The following KPNA5 variants were observed in gnomAD, a reference collection of about 807,000 sequenced individuals.
KPNA5 encodes karyopherin subunit alpha 5.
A neutral mutation model predicts 71.3 loss-of-function variants in KPNA5; 46 were observed. The ratio of observed to expected loss-of-function variants is 0.65; its 90% CI spans 0.51 to 0.83. The LOEUF (loss-of-function observed/expected upper bound fraction) is 0.83. Ranked by LOEUF, KPNA5 falls within the 40% of genes least tolerant of loss-of-function variation. The pLI is 0.00. For missense variants in KPNA5, 547 were observed against 628.3 expected (o/e 0.87, Z 1.38); for synonymous variants, 207 against 201.4 (o/e 1.03, Z -0.24).
At position 116,734,728 on chromosome 6, in the gene KPNA5, AAAAG is replaced by A. The variant is rs1170264893; in HGVS notation, c.*2417_*2420del. 74 of 151,122 alleles carry A rather than the reference AAAAG, an allele frequency of 4.9e-4. No homozygotes were observed. The highest frequency in any genetic ancestry group is 1.2e-3 in the African/African-American group (50 of 41,450). The allele number at this position is 151,122 out of a possible 1,614,324, so 9.4% of individuals were successfully genotyped here. ...GAGCCCTGACCAGGAAAAAAAAAAA[AAAAG>A]AAAGAAAGAAAAGAAAAAAATAAAT... On this transcript the variant is annotated 3_prime_UTR_variant, in exon 14 of 14. Transcript: ENST00000368564.
chr6:116,712,119 T>C (rs1166518633), intron 7 of KPNA5, among the ~76,000 whole-genome samples: 2 of 152,130 alleles, frequency 1.3e-5, no homozygotes, highest in Non-Finnish European at 2.9e-5. Flanking sequence ...TTTTTGTATC[T>C]TTAGTAGAGA....
Position 116,716,304 on chromosome 6 carries a change from C to G in KPNA5, c.742C>G (p.Pro248Ala). ...SNLCRGKNPP[P>A]NFSKVSPCLN... is the part of the protein sequence containing the mutation. ...TTTATGTAGAGGCAAAAACCCTCCT[C>G]CAAACTTTAGTAAGGTATGAGTAAA... is the stretch of plus-strand genomic sequence containing the variant. The change falls in exon 8 of 14, where the codon CCA (proline) becomes GCA (alanine). Residue 248 changes from proline to alanine, a missense_variant. Transcript: ENST00000368564. 6.2e-7 allele frequency: 1 copy of G among 1,609,426 alleles called. No individual in the cohort carries two copies. The highest frequency in any genetic ancestry group is 1.7e-4 in the Middle Eastern group (1 of 6,028).
intron 12 of KPNA5, among the ~76,000 whole-genome samples, chr6:116,727,910 A>G (rs1779344682): frequency 6.6e-6 from 1 of 152,094 alleles, no homozygotes; most frequent in Admixed American, 6.6e-5. Flanking sequence ...CTTAGAAAAT[A>G]TTTTCTAATG....
Position 116,716,222 on chromosome 6 carries a change from A to G in KPNA5, c.660A>G (p.Leu220=). 1 of 1,609,426 alleles carries G rather than the reference A, an allele frequency of 6.2e-7. No homozygotes were observed. The highest frequency in any genetic ancestry group is 1.1e-5 in the South Asian group (1 of 89,356). The part of the protein sequence containing the change: ...NCEILPPLLE[L]LTNSNRLTTT... ...TTTTTTTTCTTTTTCTTGGCAGGTTATTAACAAATTCAAACAGACTCACAA... is the reference window on the plus strand; with the variant it reads ...TTTTTTTTCTTTTTCTTGGCAGGTTGTTAACAAATTCAAACAGACTCACAA... The change falls in exon 8 of 14, where the codon TTA becomes TTG. Residue 220 remains leucine, a synonymous_variant. Transcript: ENST00000368564.
chr6:116,713,649 G>C (rs1778784253), intron 7 of KPNA5, among the ~76,000 whole-genome samples: 1 of 151,914 alleles, frequency 6.6e-6, no homozygotes, highest in South Asian at 2.1e-4. Flanking sequence ...TTTTCTTCTT[G>C]GATTTCCATT....
At chr6:116,687,411 TAGG>T (rs1777632160) in intron 1 of KPNA5, among the ~76,000 whole-genome samples, 1 of 152,198 alleles carries the variant, frequency 6.6e-6, no homozygotes, top group African/African-American at 2.4e-5. Flanking sequence ...GGAGGGCTAA[TAGG>T]AGCAGCTTGA....
rs369915373 is a variant in KPNA5, at chr6:116,732,280, T to C, written c.1577T>C (p.Ile526Thr). 62 of 1,538,172 alleles carry C rather than the reference T, an allele frequency of 4.0e-5. No individual in the cohort carries two copies. The highest frequency in any genetic ancestry group is 1.7e-4 in the Middle Eastern group (1 of 5,858). ...GTGGATGAAAACCAACAACAGTTTA[T>C]ATTTCAGCAGCAGGAAGCACCAATG... ...PQVDENQQQF[I>T]FQQQEAPMDG... is the part of the protein sequence containing the mutation. Residue 526 changes from isoleucine to threonine, a missense_variant, in exon 14 of 14, where the codon ATA becomes ACA. Transcript: ENST00000368564.
In KPNA5 at chr6:116,732,260, T is replaced by TGAAAACCA; in HGVS notation, c.1558_1565dup (p.Gln523LysfsTer37). 1 of 1,575,220 alleles carries TGAAAACCA rather than the reference T, an allele frequency of 6.3e-7. No individual in the cohort carries two copies. The highest frequency in any genetic ancestry group is 2.4e-5 in the East Asian group (1 of 42,470). Reference sequence around the variant, plus strand: ...ACCCCAGCATTGTACCTCAGGTGGATGAAAACCAACAACAGTTTATATTTC... The same window carrying TGAAAACCA: ...ACCCCAGCATTGTACCTCAGGTGGATGAAAACCAGAAAACCAACAACAGTTTATATTTC... On this transcript the variant is annotated frameshift_variant, in exon 14 of 14. Coordinates refer to ENST00000368564, the MANE Select transcript of KPNA5 (RefSeq NM_001366306.2). LOFTEE classifies it high-confidence loss of function.
intron 7 of KPNA5, among the ~76,000 whole-genome samples, chr6:116,715,789 G>A (rs531157506): frequency 1.8e-4 from 27 of 151,914 alleles, no homozygotes; most frequent in Non-Finnish European, 3.1e-4. Flanking sequence ...GGTGGCAGGC[G>A]CCTGTAATCC....
intron 12 of KPNA5, among the ~76,000 whole-genome samples, chr6:116,729,193 G>GTA (rs1243990993): frequency 1.4e-5 from 2 of 141,196 alleles, no homozygotes; most frequent in East Asian, 4.1e-4. Context: ...GTGTGTGTGT[G>GTA]TGTGTGTCTG....
Position 116,682,567 on chromosome 6 carries a change from T to A in KPNA5, c.4+1229T>A, listed in dbSNP as rs149692598. Among the ~76,000 whole-genome samples the A allele has an allele frequency of 1.2e-4, 19 of 152,262 alleles. No individual in the cohort carries two copies. The East Asian group carries it at 3.5e-3, about 28-fold the overall frequency. ...TTGGCACTTCCCCCGCTTTGTGCAG[T>A]CTTTTACTTTCACTAATGAGGCGCC... On this transcript the variant is annotated intron_variant, in intron 1 of 13. Transcript: ENST00000368564.
Position 116,686,034 on chromosome 6 carries a change from A to G in KPNA5, c.5-3286A>G, listed in dbSNP as rs114122838. Among the ~76,000 whole-genome samples the G allele has an allele frequency of 7.3e-3, 1,111 of 152,188 alleles. 17 individuals are homozygous for G. The highest frequency in any genetic ancestry group is 0.024 in the African/African-American group (983 of 41,502). On this transcript the variant is annotated intron_variant, in intron 1 of 13. Transcript: ENST00000368564. ...ATTCTTCCACCTCAGCCTTCTGAGT[A>G]GCTGAGACTATAGTCACGTGCCACC...
chr6:116,729,394 G>C (rs1779403430), intron 12 of KPNA5, among the ~76,000 whole-genome samples, 169 bp from the exon 13 acceptor site: 1 of 151,936 alleles, frequency 6.6e-6, no homozygotes, highest in South Asian at 2.1e-4. Context: ...AGTTTCCTAT[G>C]TGAGAATTTA....
intron 9 of KPNA5, among the ~76,000 whole-genome samples, chr6:116,723,324 A>G (rs1179502222): frequency 6.6e-6 from 1 of 152,104 alleles, no homozygotes; most frequent in Non-Finnish European, 1.5e-5. Context: ...GTGTGTAGGT[A>G]TGTGTGTGTG....
chr6:116,681,943 G>A (rs1407671975), intron 1 of KPNA5, among the ~76,000 whole-genome samples: 1 of 152,082 alleles, frequency 6.6e-6, no homozygotes, highest in Non-Finnish European at 1.5e-5. Flanking sequence ...GTATTTGAAA[G>A]CTGTGAAATG....
chr6:116,726,778 AT>A (rs142927330), intron 12 of KPNA5, among the ~76,000 whole-genome samples, 156 bp downstream of exon 12: 7,931 of 151,588 alleles, frequency 0.052, 588 homozygotes, highest in African/African-American at 0.17. Flanking sequence ...CTCATTCACA[AT>A]TTTTTTTTCC....
chr6:116,730,085 T>TC (rs1779429707), intron 13 of KPNA5, among the ~76,000 whole-genome samples: 1 of 76,870 alleles, frequency 1.3e-5, no homozygotes, highest in African/African-American at 5.3e-5. Context: ...AAATATGTAA[T>TC]TTTTTTTTTT....
Position 116,681,232 on chromosome 6 carries a change from C to A in KPNA5, c.-103C>A, listed in dbSNP as rs537217610. 2.0e-6 allele frequency: 3 copies of A among 1,510,532 alleles called. No individual in the cohort carries two copies. The highest frequency in any genetic ancestry group is 2.8e-5 in the African/African-American group (2 of 71,958). The allele number at this position is 1,510,532 out of a possible 1,614,324, so 93.6% of individuals were successfully genotyped here. On this transcript the variant is annotated 5_prime_UTR_variant, in exon 1 of 14. Transcript: ENST00000368564. ...CGCCATCTTGGATTGCGAACTGGGT[C>A]GCTACGCTTCACGCCAGGGGCGGAG...
Position 116,722,866 on chromosome 6 carries a change from C to T in KPNA5, c.920+577C>T, listed in dbSNP as rs1779161546. On this transcript the variant is annotated intron_variant, in intron 9 of 13. Coordinates refer to ENST00000368564, the MANE Select transcript of KPNA5 (RefSeq NM_001366306.2). Reference sequence around the variant, plus strand: ...CTTCATAACTTCATCTACTTACCCTCTTTAAAAAATGTATTATCTTCCTTC... The same window carrying T: ...CTTCATAACTTCATCTACTTACCCTTTTTAAAAAATGTATTATCTTCCTTC... Among the ~76,000 whole-genome samples, 2 of 152,196 alleles carry T rather than the reference C, an allele frequency of 1.3e-5. 1 individual carries two copies. The highest frequency in any genetic ancestry group is 4.1e-4 in the South Asian group (2 of 4,830).
Sources: gnomAD v4.1 joint callset for allele counts (sites outside exome capture counted in the v4.1 genomes callset) on GRCh38, gnomAD v4.1.1 for gene constraint, MANE v1.5 for transcripts, NCBI Gene and HGNC (gene_info 2026-07-23, HGNC 2026-07-21) for gene names.